Variants in MSRA observed in about 807,000 individuals in gnomAD.
MSRA encodes mitochondrial peptide methionine sulfoxide reductase.
A neutral mutation model predicts 31.3 loss-of-function variants in MSRA; 54 were observed. The ratio of observed to expected loss-of-function variants is 1.73; its 90% CI spans 1.39 to 2.17. The LOEUF (loss-of-function observed/expected upper bound fraction) is 2.17. MSRA is among the 30% of genes most tolerant of loss of function. The pLI is 0.00. For synonymous variants in MSRA, 169 were observed against 116.5 expected (o/e 1.45, Z -2.90); for missense variants, 507 against 300.9 (o/e 1.69, Z -5.07).
chr8:10,349,417 CT>C lies in MSRA; in HGVS notation c.543+29434del. 2.0e-5 allele frequency among the ~76,000 whole-genome samples: 3 copies of C among 151,632 alleles called. No homozygotes were observed. The East Asian group carries it at 5.8e-4, about 29-fold the overall frequency. On this transcript the variant is annotated intron_variant, in intron 5 of 5. Transcript: ENST00000317173. ...TTGCCTTTGCCTAGAATATCTTTTC[CT>C]TTTTTGTTTATTCTTCAGGGTTTAA...
At position 10,428,265 on chromosome 8, in the gene MSRA, G is replaced by A. The variant is rs543375336; in HGVS notation, c.661G>A (p.Gly221Ser). The A allele has an allele frequency of 1.4e-5, 23 of 1,614,028 alleles. No homozygotes were observed. Among genetic ancestry groups the A allele is most frequent in the Middle Eastern group, 1.6e-4 (1 of 6,062 alleles). ...GAGCAAGAACCCCAATGGCTACTGC[G>A]GCCTTGGGGGCACCGGCGTGTCCTG... is the stretch of plus-strand genomic sequence containing the variant. The part of the protein sequence containing the change: ...YLSKNPNGYC[G>S]LGGTGVSCPV... The change falls in exon 6 of 6, where the codon GGC (glycine) becomes AGC (serine). Residue 221 changes from glycine (G) to serine (S), a missense_variant. By Grantham distance (56) the Gly-to-Ser change is moderately conservative. Coordinates refer to ENST00000317173, the MANE Select transcript of MSRA (RefSeq NM_012331.5).
chr8:10,328,663 C>G (rs1014521045), intron 5 of MSRA, among the ~76,000 whole-genome samples: 2 of 152,184 alleles, frequency 1.3e-5, no homozygotes, highest in African/African-American at 2.4e-5. Flanking sequence ...ATGTCACCAT[C>G]TTCCCATGAG....
intron 3 of MSRA, among the ~76,000 whole-genome samples, chr8:10,286,799 C>T (rs780147837): frequency 9.9e-5 from 15 of 152,194 alleles, no homozygotes; most frequent in African/African-American, 1.9e-4. Flanking sequence ...CTGGCCTGTC[C>T]AGCTGGGACA....
chr8:10,250,616 G>A (rs1046583338), intron 3 of MSRA: 32 of 625,314 alleles, frequency 5.1e-5, no homozygotes, highest in Non-Finnish European at 8.9e-5. Flanking sequence ...TTTCAAGCAG[G>A]CTGTTCAGCA....
chr8:10,211,600 C>T (rs1477893909), intron 2 of MSRA, among the ~76,000 whole-genome samples: 1 of 152,004 alleles, frequency 6.6e-6, no homozygotes, highest in Admixed American at 6.6e-5. Context: ...TGGCTCTCAC[C>T]CATTTGATCT....
intron 1 of MSRA, among the ~76,000 whole-genome samples, chr8:10,188,952 T>C (rs1807288343): frequency 6.6e-6 from 1 of 152,242 alleles, no homozygotes; most frequent in African/African-American, 2.4e-5. Flanking sequence ...TACAGATTAA[T>C]TTGGAAGATA....
chr8:10,177,308 C>G (rs1271153454), intron 1 of MSRA, among the ~76,000 whole-genome samples: 8 of 152,120 alleles, frequency 5.3e-5, no homozygotes, highest in Admixed American at 3.9e-4. Flanking sequence ...TTTGACAACT[C>G]AATAAACCTG....
rs188865568 is a variant in MSRA, at chr8:10,359,936, A to G, written c.543+39947A>G. Reference sequence around the variant, plus strand: ...AAAACTGTGCAGCTGGCCCTCTGAGATGTCCTGTTTCTGTTCCCCTCCTCC... The same window carrying G: ...AAAACTGTGCAGCTGGCCCTCTGAGGTGTCCTGTTTCTGTTCCCCTCCTCC... On this transcript the variant is annotated intron_variant, in intron 5 of 5. Transcript: ENST00000317173. Among the ~76,000 whole-genome samples, 3 of 152,202 alleles carry G rather than the reference A, an allele frequency of 2.0e-5. No homozygotes were observed. The East Asian group carries it at 5.8e-4, about 29-fold the overall frequency.
chr8:10,286,196 G>T (rs538089004), intron 3 of MSRA, among the ~76,000 whole-genome samples: 1 of 152,284 alleles, frequency 6.6e-6, no homozygotes, highest in Admixed American at 6.5e-5. Context: ...ACCTCTACCT[G>T]TGTGTGTCTA....
intron 1 of MSRA, among the ~76,000 whole-genome samples, chr8:10,062,419 A>C (rs1330550274): frequency 6.6e-6 from 1 of 152,224 alleles, no homozygotes; most frequent in Non-Finnish European, 1.5e-5. Flanking sequence ...GTTTGAGAGC[A>C]TCACAATATT....
chr8:10,202,821 A>T (rs1056070447), intron 1 of MSRA, among the ~76,000 whole-genome samples: 7 of 152,244 alleles, frequency 4.6e-5, no homozygotes, highest in African/African-American at 1.7e-4. Flanking sequence ...TGAAGTAAGT[A>T]CAAATGAGGA....
At chr8:10,109,650 T>C (rs1281652816) in intron 1 of MSRA, among the ~76,000 whole-genome samples, 2 of 152,220 alleles carry the variant, frequency 1.3e-5, no homozygotes, top group South Asian at 4.1e-4. Flanking sequence ...TCTTTTTTCT[T>C]ATGATGTATT....
At chr8:10,081,644 G>A (rs752195685) in intron 1 of MSRA, among the ~76,000 whole-genome samples, 1 of 152,030 alleles carries the variant, frequency 6.6e-6, no homozygotes, top group East Asian at 1.9e-4. Flanking sequence ...CGCCCACAAC[G>A]ACGCCTGACA....
intron 1 of MSRA, among the ~76,000 whole-genome samples, chr8:10,201,092 A>G (rs747993520): frequency 2.6e-5 from 4 of 152,164 alleles, no homozygotes; most frequent in African/African-American, 9.7e-5. Context: ...ACAGATAAGA[A>G]GAGGGACTGT....
In MSRA at chr8:10,054,629, C is replaced by A. The variant is rs750420091; in HGVS notation, c.113C>A (p.Pro38Gln). Residue 38 changes from proline (P) to glutamine (Q), a missense_variant, in exon 1 of 6, where the codon CCG (proline) becomes CAG (glutamine). Coordinates refer to ENST00000317173, the MANE Select transcript of MSRA (RefSeq NM_012331.5). ...SNIVSPQEAL[P>Q]GRKEQTPVAA... ...ATCGTCAGCCCCCAGGAGGCCTTGC[C>A]GGGCCGGAAGGAACAGACCCCTGTA... 6.3e-7 allele frequency: 1 copy of A among 1,576,380 alleles called. No homozygotes were observed. The highest frequency in any genetic ancestry group is 1.1e-5 in the South Asian group (1 of 87,788).
At chr8:10,176,932 A>G (rs1301586396) in intron 1 of MSRA, among the ~76,000 whole-genome samples, 1 of 152,206 alleles carries the variant, frequency 6.6e-6, no homozygotes, top group Admixed American at 6.5e-5. Context: ...GCTTCCTCTT[A>G]GTACAGAGTC....
In MSRA at chr8:10,266,263, C is replaced by G. The variant is rs529381847; in HGVS notation, c.331+21040C>G. Among the ~76,000 whole-genome samples the G allele has an allele frequency of 1.1e-4, 17 of 152,298 alleles. No homozygotes were observed. The South Asian group carries it at 3.5e-3, about 32-fold the overall frequency. On this transcript the variant is annotated intron_variant, in intron 3 of 5. Coordinates refer to ENST00000317173, the MANE Select transcript of MSRA (RefSeq NM_012331.5). ...ACTTGCTCATTAGCAGTTGGTATGG[C>G]CAGTCTTTTTACTTCTAGTGATTGT...
chr8:10,093,238 A>G (rs756029702), intron 1 of MSRA, among the ~76,000 whole-genome samples: 2 of 152,070 alleles, frequency 1.3e-5, no homozygotes, highest in African/African-American at 2.4e-5. Context: ...GCTATATTCT[A>G]CGTATCTTTG....
intron 1 of MSRA, among the ~76,000 whole-genome samples, chr8:10,161,961 G>GCTC (rs1804696681): frequency 1.3e-5 from 2 of 152,188 alleles, no homozygotes; most frequent in Non-Finnish European, 2.9e-5. Context: ...GAATACAAGA[G>GCTC]CGCACTGCAT....
Sources: allele counts gnomAD v4.1 joint callset (sites outside exome capture counted in the v4.1 genomes callset), GRCh38; gene constraint gnomAD v4.1.1; transcripts MANE v1.5; gene names NCBI Gene and HGNC (gene_info 2026-07-23, HGNC 2026-07-21).